ADAMTSL1: variants seen among roughly 807,000 people sequenced by gnomAD.
ADAMTSL1 encodes ADAMTS-like protein 1.
Under a neutral mutation model 201.8 loss-of-function variants are expected in ADAMTSL1, and 126 were observed. That is an observed-to-expected ratio of 0.62 (90% CI 0.54 to 0.72). The LOEUF (loss-of-function observed/expected upper bound fraction) is 0.72, where lower values mean the gene tolerates loss of function less well. Ranked by LOEUF, ADAMTSL1 falls within the 30% of genes least tolerant of loss-of-function variation. The pLI, the probability that ADAMTSL1 is intolerant of heterozygous loss-of-function variation, is 0.00. For synonymous variants in ADAMTSL1, 1,121 were observed against 903.4 expected (o/e 1.24, Z -4.32); for missense variants, 2,679 against 2,277.8 (o/e 1.18, Z -3.59).
At chr9:18,527,105 G>A (rs1253510470) in intron 2 of ADAMTSL1, among the ~76,000 whole-genome samples, 2 of 152,112 alleles carry the variant, frequency 1.3e-5, no homozygotes, top group Non-Finnish European at 2.9e-5. Flanking sequence ...CTGGGTAACA[G>A]AATGAGATGA....
At chr9:18,286,900 TC>T (rs1283060390) in intron 2 of ADAMTSL1, among the ~76,000 whole-genome samples, 2 of 152,320 alleles carry the variant, frequency 1.3e-5, no homozygotes, top group East Asian at 3.9e-4. Context: ...AATATTCCTT[TC>T]AACTGCAATG....
intron 2 of ADAMTSL1, among the ~76,000 whole-genome samples, chr9:18,447,748 T>G (rs188309953): frequency 1.3e-5 from 2 of 152,228 alleles, no homozygotes; most frequent in African/African-American, 4.8e-5. Context: ...AGTACCTTCC[T>G]CCGGAGAGTC....
At position 18,665,433 on chromosome 9, in the gene ADAMTSL1, G is replaced by C. The variant is rs554180030; in HGVS notation, c.1085+3360G>C. On this transcript the variant is annotated intron_variant, in intron 9 of 28. Transcript: ENST00000380548. ...ACCAGGATGTTTCCAGTCACTGCAT[G>C]TGATTGTGTCCACAGTCCCTTCCAA... Among the ~76,000 whole-genome samples, 5 of 152,156 alleles carry C rather than the reference G, an allele frequency of 3.3e-5. No individual in the cohort carries two copies. The South Asian group carries it at 1.0e-3, about 32-fold the overall frequency.
chr9:17,980,374 A>G (rs1166268065), intron 1 of ADAMTSL1, among the ~76,000 whole-genome samples: 1 of 150,994 alleles, frequency 6.6e-6, no homozygotes, highest in Non-Finnish European at 1.5e-5. Context: ...CCTGTGTCAC[A>G]TTTTGGTCTG....
At chr9:18,498,580 C>T (rs548461215) in intron 1 of ADAMTSL1, among the ~76,000 whole-genome samples, 1 of 152,218 alleles carries the variant, frequency 6.6e-6, no homozygotes, top group East Asian at 1.9e-4. Context: ...TCAGCTGATC[C>T]GCCCGCCTCG....
chr9:18,874,646 A>G (rs764529364), intron 23 of ADAMTSL1, among the ~76,000 whole-genome samples: 1 of 152,160 alleles, frequency 6.6e-6, no homozygotes, highest in African/African-American at 2.4e-5. Flanking sequence ...AAGGTGGATT[A>G]TCTTTTTAAT....
chr9:18,325,326 T>G (rs1211494673), intron 2 of ADAMTSL1, among the ~76,000 whole-genome samples: 3 of 152,234 alleles, frequency 2.0e-5, no homozygotes, highest in Non-Finnish European at 4.4e-5. Context: ...CAGCCTAATG[T>G]TGGAATCACC....
chr9:18,419,349 C>G (rs1050429953), intron 2 of ADAMTSL1, among the ~76,000 whole-genome samples: 2 of 151,892 alleles, frequency 1.3e-5, no homozygotes, highest in Admixed American at 1.3e-4. Flanking sequence ...ATTGGTAAAT[C>G]TTAATCAGAA....
At chr9:18,721,412 C>G (rs562580743) in intron 14 of ADAMTSL1, 124 bp from the exon 15 acceptor site, 12 of 1,367,346 alleles carry the variant, frequency 8.8e-6, no homozygotes, top group Non-Finnish European at 1.2e-5. Context: ...ACTGCCATCT[C>G]TGACATACAG....
chr9:18,631,515 T>C (rs1456659212), intron 5 of ADAMTSL1, among the ~76,000 whole-genome samples: 1 of 152,164 alleles, frequency 6.6e-6, no homozygotes, highest in Non-Finnish European at 1.5e-5. Flanking sequence ...TAAAATAAAG[T>C]GTCAGCTCCA....
intron 2 of ADAMTSL1, among the ~76,000 whole-genome samples, chr9:18,269,704 G>C (rs927978711): frequency 6.6e-6 from 1 of 152,114 alleles, no homozygotes; most frequent in Non-Finnish European, 1.5e-5. Flanking sequence ...CCTTGGAAAA[G>C]AGTATGGACA....
chr9:17,957,639 C>G (rs1301856885), intron 1 of ADAMTSL1, among the ~76,000 whole-genome samples: 2 of 152,206 alleles, frequency 1.3e-5, no homozygotes, highest in African/African-American at 2.4e-5. Flanking sequence ...TTCATGTCCA[C>G]TTAGAACCTC....
intron 2 of ADAMTSL1, among the ~76,000 whole-genome samples, chr9:18,331,769 A>G (rs187417605): frequency 6.6e-6 from 1 of 152,336 alleles, no homozygotes; most frequent in Non-Finnish European, 1.5e-5. Context: ...GAGTTTTAGT[A>G]GCTATGCATC....
Position 18,694,707 on chromosome 9 carries a change from G to A in ADAMTSL1, c.1574+9907G>A, listed in dbSNP as rs983072979. Among the ~76,000 whole-genome samples, 5 of 152,128 alleles carry A rather than the reference G, an allele frequency of 3.3e-5. No individual in the cohort carries two copies. In the South Asian group the frequency reaches 6.2e-4, roughly 19 times the overall value. On this transcript the variant is annotated intron_variant, in intron 13 of 28. Coordinates refer to ENST00000380548, the MANE Select transcript of ADAMTSL1 (RefSeq NM_001040272.6). ...TGCCTGCAGCTTTTCTAGGTTCATGGTGCAAGCTGTCAGTGGATCTACCAT... is the reference window on the plus strand; with the variant it reads ...TGCCTGCAGCTTTTCTAGGTTCATGATGCAAGCTGTCAGTGGATCTACCAT...
intron 1 of ADAMTSL1, among the ~76,000 whole-genome samples, chr9:18,483,169 C>G (rs1563987502): frequency 1.3e-5 from 2 of 152,110 alleles, no homozygotes; most frequent in Non-Finnish European, 2.9e-5. Flanking sequence ...TAGCACCAGA[C>G]AAAGAGTTTG....
rs187989185 is a variant in ADAMTSL1, at chr9:17,950,059, T to C, written c.87+43137T>C. 4.6e-3 allele frequency among the ~76,000 whole-genome samples: 704 copies of C among 152,152 alleles called. 6 individuals are homozygous for C. The highest frequency in any genetic ancestry group is 0.016 in the African/African-American group (664 of 41,506). On this transcript the variant is annotated intron_variant, in intron 1 of 29. Coordinates refer to the ADAMTSL1 transcript ENST00000680146. ...TCAGCCTTTGAAGTAGCTGGAATTA[T>C]AGGCATGCACCGCCACTGCCAGCTT...
At chr9:18,704,577 C>T (rs986905771) in intron 13 of ADAMTSL1, among the ~76,000 whole-genome samples, 1 of 152,204 alleles carries the variant, frequency 6.6e-6, no homozygotes, top group African/African-American at 2.4e-5. Context: ...TTTGTGTCTG[C>T]ATCTGTGTGA....
intron 20 of ADAMTSL1, among the ~76,000 whole-genome samples, chr9:18,810,801 C>G (rs1350853791): frequency 1.3e-5 from 2 of 152,100 alleles, no homozygotes; most frequent in African/African-American, 4.8e-5. Flanking sequence ...GGCATAGTTA[C>G]ACTTTTCCCT....
At chr9:18,858,099 A>G (rs1458024429) in intron 23 of ADAMTSL1, among the ~76,000 whole-genome samples, 2 of 152,198 alleles carry the variant, frequency 1.3e-5, no homozygotes, top group Non-Finnish European at 1.5e-5. Context: ...ATACACACAC[A>G]CTAATATAAT....
Sources: gnomAD v4.1 joint callset for allele counts (sites outside exome capture counted in the v4.1 genomes callset) on GRCh38, gnomAD v4.1.1 for gene constraint, MANE v1.5 for transcripts, NCBI Gene and HGNC (gene_info 2026-07-23, HGNC 2026-07-21) for gene names.